Variants in COL25A1 observed in about 807,000 individuals in gnomAD.
COL25A1 encodes collagen alpha-1(XXV) chain.
Under a neutral mutation model 128.4 loss-of-function variants are expected in COL25A1, and 103 were observed. That is an observed-to-expected ratio of 0.80 (90% confidence interval 0.68 to 0.94). The LOEUF is 0.94. COL25A1 is among the 40% of genes least tolerant of loss of function. The pLI is 0.00. For synonymous variants in COL25A1, 279 were observed against 277.2 expected, an observed-to-expected ratio of 1.01 and a Z score of -0.06; for missense variants, 745 against 840.0, an observed-to-expected ratio of 0.89 and a Z score of 1.40.
chr4:109,298,028 T>C (rs1171636598), intron 3 of COL25A1, among the ~76,000 whole-genome samples: 4 of 152,020 alleles, frequency 2.6e-5, no homozygotes, highest in Non-Finnish European at 5.9e-5. Context: ...CTTGGTAGAC[T>C]GGGCTTTTAG....
chr4:108,869,815 T>G (rs556725841), intron 19 of COL25A1, among the ~76,000 whole-genome samples: 1 of 152,328 alleles, frequency 6.6e-6, no homozygotes, highest in African/African-American at 2.4e-5. Flanking sequence ...GTTCCTGTTT[T>G]TTCCCCTCTT....
At chr4:109,180,076 G>A (rs369753470) in intron 3 of COL25A1, among the ~76,000 whole-genome samples, 2 of 152,284 alleles carry the variant, frequency 1.3e-5, no homozygotes, top group South Asian at 2.1e-4. Context: ...AATACGTCTG[G>A]TTAGAGTGAA....
At chr4:109,067,778 A>G (rs1362104358) in intron 3 of COL25A1, among the ~76,000 whole-genome samples, 14 of 152,232 alleles carry the variant, frequency 9.2e-5, no homozygotes, top group Admixed American at 9.2e-4. Context: ...TAAGGAGGAA[A>G]AGAAGCAAAA....
At chr4:109,227,873 T>C (rs919271132) in intron 3 of COL25A1, among the ~76,000 whole-genome samples, 2 of 152,116 alleles carry the variant, frequency 1.3e-5, no homozygotes, top group Non-Finnish European at 2.9e-5. Context: ...AGACAGGTCA[T>C]CTACAAGCTG....
At chr4:109,103,946 T>C (rs911187303) in intron 3 of COL25A1, among the ~76,000 whole-genome samples, 2 of 152,214 alleles carry the variant, frequency 1.3e-5, no homozygotes, top group African/African-American at 4.8e-5. Context: ...AAGACTTAAA[T>C]GGGAATCATT....
rs1730690928 is a variant in COL25A1 at position 108,810,308 on chromosome 4, CAT to C, written c.*3617_*3618del. 2 of 151,822 alleles carry C rather than the reference CAT, an allele frequency of 1.3e-5. No individual in the cohort carries two copies. The highest frequency in any genetic ancestry group is 2.4e-5 in the African/African-American group (1 of 41,370). 9.4% of individuals were successfully genotyped at this position (151,822 alleles called of 1,614,324 possible). Reference sequence around the variant, plus strand: ...GATTTGACAATTTTCTAAACTAGCACATATGTCTATATAGATAGATAGTTAGA... The same window carrying C: ...GATTTGACAATTTTCTAAACTAGCACATGTCTATATAGATAGATAGTTAGA... On this transcript the variant is annotated 3_prime_UTR_variant, in exon 38 of 38. Coordinates refer to ENST00000399132, the MANE Select transcript of COL25A1 (RefSeq NM_198721.4).
intron 3 of COL25A1, among the ~76,000 whole-genome samples, chr4:109,272,365 T>G (rs1442188085): frequency 6.6e-6 from 1 of 152,212 alleles, no homozygotes; most frequent in African/African-American, 2.4e-5. Context: ...CTACATGCCA[T>G]TATCTAAATA....
At chr4:109,136,548 C>T (rs1220660731) in intron 3 of COL25A1, among the ~76,000 whole-genome samples, 1 of 152,224 alleles carries the variant, frequency 6.6e-6, no homozygotes, top group Non-Finnish European at 1.5e-5. Flanking sequence ...CTGTAGTACA[C>T]ACGTGAGTTA....
At chr4:108,826,544 T>G (rs1307403909) in intron 33 of COL25A1, among the ~76,000 whole-genome samples, 1 of 151,956 alleles carries the variant, frequency 6.6e-6, no homozygotes, top group African/African-American at 2.4e-5. Flanking sequence ...TCTCAAATGA[T>G]AATAATAATA....
chr4:109,216,289 GGAAGGAAGGACGGAAGGAAGGAAA>G (rs976212760), intron 3 of COL25A1, among the ~76,000 whole-genome samples: 7 of 151,078 alleles, frequency 4.6e-5, no homozygotes, highest in African/African-American at 1.5e-4. Flanking sequence ...AAGGAAGGAA[GGAAGGAAGGACGGAAGGAAGGAAA>G]GACGGAAGGA....
intron 6 of COL25A1, 32 bp downstream of exon 6, chr4:109,010,326 G>T: frequency 6.5e-7 from 1 of 1,548,698 alleles, no homozygotes; most frequent in Non-Finnish European, 8.7e-7. Context: ...ATCCTAAATT[G>T]AAAATAATTT....
intron 6 of COL25A1, among the ~76,000 whole-genome samples, chr4:108,992,085 CCT>C (rs1485754653): frequency 2.0e-5 from 3 of 152,132 alleles, no homozygotes; most frequent in Non-Finnish European, 4.4e-5. Context: ...GCCTCAAGCC[CCT>C]GTGTGCAGTT....
At chr4:109,175,384 A>G (rs534789990) in intron 3 of COL25A1, among the ~76,000 whole-genome samples, 24 of 152,318 alleles carry the variant, frequency 1.6e-4, no homozygotes, top group Admixed American at 5.2e-4. Context: ...CCACAAAGTA[A>G]TCATTATTAA....
In COL25A1 at chr4:109,003,752, A is replaced by G. The variant is rs548130301; in HGVS notation, c.438+6606T>C. ...GGAGGCAGGGTTGCAGTGAGCCAAG[A>G]TCGCGCCATTGCACTCCAGCCTGGG... On this transcript the variant is annotated intron_variant, in intron 6 of 37. Coordinates refer to ENST00000399132, the MANE Select transcript of COL25A1 (RefSeq NM_198721.4). Among the ~76,000 whole-genome samples, 6 of 152,316 alleles carry G rather than the reference A, an allele frequency of 3.9e-5. No homozygotes were observed. In the East Asian group the frequency reaches 1.2e-3, roughly 29 times the overall value.
intron 3 of COL25A1, among the ~76,000 whole-genome samples, chr4:109,246,466 A>C (rs1031664249): frequency 6.6e-6 from 1 of 152,176 alleles, no homozygotes; most frequent in Non-Finnish European, 1.5e-5. Flanking sequence ...TGAGTACTCC[A>C]CCAATTCTCA....
intron 8 of COL25A1, among the ~76,000 whole-genome samples, chr4:108,953,341 C>A (rs181211435): frequency 6.6e-6 from 1 of 152,102 alleles, no homozygotes; most frequent in African/African-American, 2.4e-5. Context: ...AGGGTTTGTT[C>A]AATTACACAA....
chr4:109,004,809 G>A (rs78610221), intron 6 of COL25A1, among the ~76,000 whole-genome samples: 1,991 of 152,186 alleles, frequency 0.013, 12 homozygotes, highest in Non-Finnish European at 0.017. Context: ...CTGCAGTACC[G>A]TGAGCCAGTT....
At chr4:108,990,660 G>C (rs1455639480) in intron 6 of COL25A1, among the ~76,000 whole-genome samples, 3 of 152,120 alleles carry the variant, frequency 2.0e-5, no homozygotes, top group Non-Finnish European at 4.4e-5. Context: ...CTCTATCTCA[G>C]TATGAGTGCT....
intron 3 of COL25A1, among the ~76,000 whole-genome samples, chr4:109,063,236 C>T (rs1292067435): frequency 1.3e-5 from 2 of 152,160 alleles, no homozygotes; most frequent in Admixed American, 6.5e-5. Flanking sequence ...AGGCTGGGTG[C>T]TCATGCCTAT....
Sources: allele counts gnomAD v4.1 joint callset (sites outside exome capture counted in the v4.1 genomes callset), GRCh38; gene constraint gnomAD v4.1.1; transcripts MANE v1.5; gene names NCBI Gene and HGNC (gene_info 2026-07-23, HGNC 2026-07-21).